The following TRIM66 variants were observed in gnomAD, a reference collection of about 807,000 sequenced individuals.
TRIM66 encodes tripartite motif-containing protein 66.
In TRIM66, 99 loss-of-function variants were observed where a neutral mutation model predicts 148.2. That is an observed-to-expected ratio of 0.67 (90% CI 0.57 to 0.79). TRIM66 has a LOEUF of 0.79. Ranked by LOEUF, TRIM66 falls within the 30% of genes least tolerant of loss-of-function variation. TRIM66 has a pLI of 0.00. For synonymous variants in TRIM66, 616 were observed against 635.9 expected, an observed-to-expected ratio of 0.97 and a Z score of 0.47; for missense variants, 1,666 against 1,697.9, an observed-to-expected ratio of 0.98 and a Z score of 0.33.
chr11:8,656,459 T>C (rs1054672513), intron 6 of TRIM66, among the ~76,000 whole-genome samples: 1 of 152,192 alleles, frequency 6.6e-6, no homozygotes, highest in African/African-American at 2.4e-5. Flanking sequence ...CCTCAGGAGA[T>C]GTGGGGCTTC....
intron 17 of TRIM66, among the ~76,000 whole-genome samples, chr11:8,624,002 T>A (rs1399590747): frequency 1.3e-5 from 2 of 152,204 alleles, no homozygotes; most frequent in Non-Finnish European, 2.9e-5. Context: ...CCAAATTCCA[T>A]CTATCGGACT....
intron 6 of TRIM66, chr11:8,654,431 T>C (rs1181119004): frequency 2.6e-5 from 4 of 152,240 alleles, no homozygotes; most frequent in Non-Finnish European, 5.9e-5. Context: ...CATCCTTTCA[T>C]ACCTGTTCAA....
At chr11:8,682,113 T>C (rs752176813) in intron 1 of TRIM66, among the ~76,000 whole-genome samples, 1 of 152,132 alleles carries the variant, frequency 6.6e-6, no homozygotes, top group Non-Finnish European at 1.5e-5. Flanking sequence ...AAAAGGACCA[T>C]AAAGCAACCA....
intron 6 of TRIM66, among the ~76,000 whole-genome samples, chr11:8,671,456 C>G (rs2038926195): frequency 6.6e-6 from 1 of 152,208 alleles, no homozygotes; most frequent in Non-Finnish European, 1.5e-5. Flanking sequence ...CAGCCATTCT[C>G]TCTCTGCCTT....
intron 6 of TRIM66, chr11:8,658,904 C>T (rs988762931): frequency 6.5e-6 from 4 of 617,610 alleles, no homozygotes; most frequent in Non-Finnish European, 8.1e-6. Context: ...CAGTCAGTTG[C>T]CATAGTGACC....
intron 12 of TRIM66, 67 bp from the exon 13 acceptor site, chr11:8,643,193 A>T: frequency 7.4e-7 from 1 of 1,346,614 alleles, no homozygotes; most frequent in South Asian, 1.3e-5. Context: ...CCCTTCCCTT[A>T]CTCTTTGGAC....
chr11:8,681,524 A>C (rs2039424512), intron 1 of TRIM66, among the ~76,000 whole-genome samples: 1 of 152,188 alleles, frequency 6.6e-6, no homozygotes, highest in Non-Finnish European at 1.5e-5. Context: ...ATACACACAG[A>C]GAATAACTGA....
intron 6 of TRIM66, among the ~76,000 whole-genome samples, chr11:8,656,586 T>C: frequency 6.6e-6 from 1 of 152,198 alleles, no homozygotes; most frequent in East Asian, 1.9e-4. Flanking sequence ...TGCAAACACT[T>C]CTGGTCCTTG....
intron 12 of TRIM66, among the ~76,000 whole-genome samples, chr11:8,644,659 C>T (rs1421094950): frequency 6.6e-6 from 1 of 152,174 alleles, no homozygotes; most frequent in Admixed American, 6.5e-5. Flanking sequence ...CCTCTTCTCC[C>T]ATATACATGT....
intron 1 of TRIM66, among the ~76,000 whole-genome samples, chr11:8,680,405 G>A (rs2039355688): frequency 6.6e-6 from 1 of 152,210 alleles, no homozygotes; most frequent in African/African-American, 2.4e-5. Context: ...GTGAACAAAG[G>A]AAGGTGTTGT....
In TRIM66 at chr11:8,625,070, G is replaced by T. The variant is rs1231762924; in HGVS notation, c.2469C>A (p.Pro823=). 4 of 1,551,612 alleles carry T rather than the reference G, an allele frequency of 2.6e-6. No individual in the cohort carries two copies. The highest frequency in any genetic ancestry group is 2.4e-5 in the South Asian group (2 of 84,070). The change falls in exon 16 of 25, where the codon CCC becomes CCA. Residue 823 remains proline (P), a synonymous_variant. Coordinates refer to ENST00000646038, the MANE Select transcript of TRIM66 (RefSeq NM_001388022.1). ...QAVPSLLSAP[P]KMVSSLTSVQ... ...CACTTGTCAGGCTGGACACCATTTT[G>T]GGGGGAGCACTCAGCAGGCTTGGTA...
At chr11:8,646,329 A>G in intron 11 of TRIM66, 118 bp downstream of exon 11, 1 of 822,352 alleles carries the variant, frequency 1.2e-6, no homozygotes, top group Admixed American at 2.2e-5. Flanking sequence ...AGGGAGCAGC[A>G]CAGAGCTATG....
At chr11:8,659,610 T>G (rs2038108117) in intron 6 of TRIM66, among the ~76,000 whole-genome samples, 1 of 152,196 alleles carries the variant, frequency 6.6e-6, no homozygotes, top group Admixed American at 6.5e-5. Context: ...CCTGGACCAG[T>G]GATGCCCCAA....
At chr11:8,667,250 A>G (rs534706486) in intron 6 of TRIM66, among the ~76,000 whole-genome samples, 86 of 152,346 alleles carry the variant, frequency 5.6e-4, no homozygotes, top group Admixed American at 3.3e-3. Context: ...TAAAACTCCT[A>G]GAAGAAAACA....
chr11:8,682,843 T>C (rs1312986945), upstream of TRIM66: 1 of 1,608,528 alleles, frequency 6.2e-7, no homozygotes, highest in Non-Finnish European at 8.5e-7. Context: ...TTGCCTCCTC[T>C]TCCTTGCCGG....
chr11:8,667,859 A>C (rs1429278212), intron 6 of TRIM66, among the ~76,000 whole-genome samples: 1 of 152,258 alleles, frequency 6.6e-6, no homozygotes, highest in Non-Finnish European at 1.5e-5. Context: ...ACTGCAAATA[A>C]TGCTGCTAGA....
Position 8,648,482 on chromosome 11 carries a change from A to G in TRIM66, c.659T>C (p.Leu220Pro). The change falls in exon 9 of 25, where the codon CTA becomes CCA. Residue 220 changes from leucine (L) to proline (P), a missense_variant. By Grantham distance (98) the Leu-to-Pro change is moderately conservative. Transcript: ENST00000646038. ...GAGCATATCACATGTCTCACAGAAT[A>G]GCTTGAGTACTTCCTGTGTGTGTAG... is the stretch of plus-strand genomic sequence containing the variant. ...CPLHTQEVLK[L>P]FCETCDMLTC... is the part of the protein sequence containing the mutation. 1 of 1,551,762 alleles carries G rather than the reference A, an allele frequency of 6.4e-7. No homozygotes were observed. The highest frequency in any genetic ancestry group is 8.7e-7 in the Non-Finnish European group (1 of 1,147,004).
In TRIM66 at chr11:8,675,285, T is replaced by C. The variant is rs185898942; in HGVS notation, c.-189-402A>G. Among the ~76,000 whole-genome samples the C allele has an allele frequency of 5.0e-4, 76 of 152,382 alleles. No individual in the cohort carries two copies. The East Asian group carries it at 0.013, about 27-fold the overall frequency. On this transcript the variant is annotated intron_variant, in intron 3 of 24. Coordinates refer to ENST00000646038, the MANE Select transcript of TRIM66 (RefSeq NM_001388022.1). ...AAACTACCAGAATTCTAACTTTTGC[T>C]TGAACGCTTGAATTTTATCATTGGC...
rs566539946 is a variant in TRIM66 at position 8,635,643 on chromosome 11, T to A, written c.2310+3011A>T. On this transcript the variant is annotated intron_variant, in intron 15 of 24. Transcript: ENST00000646038. ...AGCCATCAAAAGCCTATGAAACACA[T>A]GAAGAATGCCAGGCCATCTGCCCCT... is the stretch of plus-strand genomic sequence containing the variant. Among the ~76,000 whole-genome samples the A allele has an allele frequency of 1.2e-3, 190 of 152,256 alleles. 1 individual carries two copies. Among genetic ancestry groups the A allele is most frequent in the African/African-American group, 4.2e-3 (174 of 41,534 alleles).
Sources: gnomAD v4.1 joint callset for allele counts (sites outside exome capture counted in the v4.1 genomes callset) on GRCh38, gnomAD v4.1.1 for gene constraint, MANE v1.5 for transcripts, NCBI Gene and HGNC (gene_info 2026-07-23, HGNC 2026-07-21) for gene names.